STAC: variants seen among roughly 807,000 people sequenced by gnomAD.
STAC encodes SH3 and cysteine rich domain.
Under a neutral mutation model 48.8 loss-of-function variants are expected in STAC, and 43 were observed. That is an observed-to-expected ratio of 0.88 (90% confidence interval 0.69 to 1.14). The LOEUF (loss-of-function observed/expected upper bound fraction) is 1.14. STAC is among the 50% of genes most tolerant of loss of function. The pLI is 0.00. For missense variants in STAC, 497 were observed against 504.0 expected (o/e 0.99, Z 0.13); for synonymous variants, 193 against 179.5 (o/e 1.07, Z -0.60).
Position 36,492,031 on chromosome 3 carries a change from A to AATAT in STAC, c.688-1087_688-1084dup. Among the ~76,000 whole-genome samples the AATAT allele has an allele frequency of 8.4e-3, 137 of 16,402 alleles. 1 individual carries two copies. Among genetic ancestry groups the AATAT allele is most frequent in the Non-Finnish European group, 0.011 (97 of 8,454 alleles). The allele number at this position is 16,402 out of a possible 152,430, so 10.8% of individuals were successfully genotyped here. A position where few individuals can be genotyped will look rare whatever the true frequency, so the allele number is the denominator to read the frequency against. On this transcript the variant is annotated intron_variant, in intron 5 of 10. Coordinates refer to ENST00000273183, the MANE Select transcript of STAC (RefSeq NM_003149.3). ...AAAAAAAAAAAAAAAAAAAAAAAAA[A>AATAT]ATATATATATATATATATATATATA...
intron 2 of STAC, among the ~76,000 whole-genome samples, chr3:36,448,285 A>G (rs957929523): frequency 1.3e-5 from 2 of 151,868 alleles, no homozygotes; most frequent in East Asian, 1.9e-4. Context: ...GCAATGGTGC[A>G]ATCTCAGCTC....
chr3:36,515,634 T>A (rs1433690899), intron 8 of STAC, among the ~76,000 whole-genome samples: 1 of 152,174 alleles, frequency 6.6e-6, no homozygotes, highest in African/African-American at 2.4e-5. Context: ...TTGTCTGGTG[T>A]TCAGCAGTAA....
intron 2 of STAC, among the ~76,000 whole-genome samples, chr3:36,474,674 G>A (rs1197275312): frequency 1.3e-5 from 2 of 152,238 alleles, no homozygotes; most frequent in East Asian, 1.9e-4. Context: ...GATCATAAGA[G>A]GAGAGAAAAG....
At chr3:36,411,055 T>C (rs1167626172) in intron 1 of STAC, among the ~76,000 whole-genome samples, 1 of 152,182 alleles carries the variant, frequency 6.6e-6, no homozygotes, top group Non-Finnish European at 1.5e-5. Flanking sequence ...TCTAAGTAAA[T>C]GGCCACTCCC....
At position 36,417,976 on chromosome 3, in the gene STAC, T is replaced by C. The variant is rs78204575; in HGVS notation, c.112-25388T>C. Among the ~76,000 whole-genome samples, 138 of 152,348 alleles carry C rather than the reference T, an allele frequency of 9.1e-4. 2 individuals carry two copies. The East Asian group carries it at 0.026, about 28-fold the overall frequency. On this transcript the variant is annotated intron_variant, in intron 1 of 10. Transcript: ENST00000273183. ...TTTTAAGGCCAAATATTCAAGTATA[T>C]GAGTGAAGGTTCTCAAATCATTTGC...
chr3:36,441,926 GGATT>G (rs1406706248), intron 1 of STAC, among the ~76,000 whole-genome samples: 7 of 148,618 alleles, frequency 4.7e-5, no homozygotes, highest in African/African-American at 1.7e-4. Context: ...TTTTTAAATT[GGATT>G]GTTTGGAGGT....
chr3:36,436,202 GTAT>G (rs1559490373), intron 1 of STAC, among the ~76,000 whole-genome samples: 1 of 152,104 alleles, frequency 6.6e-6, no homozygotes, highest in Non-Finnish European at 1.5e-5. Context: ...AAATTCAGCC[GTAT>G]CTTACCATAA....
At chr3:36,512,239 G>A (rs190052359) in intron 8 of STAC, among the ~76,000 whole-genome samples, 1 of 152,254 alleles carries the variant, frequency 6.6e-6, no homozygotes, top group Admixed American at 6.5e-5. Flanking sequence ...GAGAGGAGGA[G>A]ACGGGCTTTA....
chr3:36,439,845 C>T (rs1029318218), intron 1 of STAC, among the ~76,000 whole-genome samples: 4 of 152,178 alleles, frequency 2.6e-5, no homozygotes, highest in African/African-American at 9.7e-5. Context: ...CAATGCTATG[C>T]TCCCAAGGAC....
chr3:36,431,547 C>T (rs1160950730), intron 1 of STAC, among the ~76,000 whole-genome samples: 2 of 152,224 alleles, frequency 1.3e-5, no homozygotes, highest in African/African-American at 2.4e-5. Context: ...TGCTCTGAAA[C>T]TTGCCATACA....
chr3:36,411,868 G>C (rs951095266), intron 1 of STAC, among the ~76,000 whole-genome samples: 10 of 152,114 alleles, frequency 6.6e-5, no homozygotes, highest in Non-Finnish European at 1.5e-5. Flanking sequence ...TGGCCTTTCT[G>C]AGTCTCAGTC....
At chr3:36,504,265 T>G in intron 6 of STAC, 128 bp from the exon 7 acceptor site, 1 of 803,246 alleles carries the variant, frequency 1.2e-6, no homozygotes, top group Non-Finnish European at 2.0e-6. Context: ...TCACAGAGGG[T>G]GAGGAAAAGG....
At chr3:36,436,522 C>A (rs1387150487) in intron 1 of STAC, among the ~76,000 whole-genome samples, 1 of 152,206 alleles carries the variant, frequency 6.6e-6, no homozygotes, top group African/African-American at 2.4e-5. Context: ...TTCTCAGATA[C>A]CCTGCCCTTG....
chr3:36,535,000 C>T (rs938957033), intron 10 of STAC, among the ~76,000 whole-genome samples: 77 of 152,232 alleles, frequency 5.1e-4, no homozygotes, highest in African/African-American at 1.8e-3. Context: ...ATTAAATCGA[C>T]TTTAAAATAC....
chr3:36,513,484 G>A (rs1698592320), intron 8 of STAC, among the ~76,000 whole-genome samples: 1 of 152,110 alleles, frequency 6.6e-6, no homozygotes, highest in Admixed American at 6.6e-5. Context: ...GAGCTTTCCT[G>A]GTCTCTGTGT....
At chr3:36,384,807 C>A (rs1156966918) in intron 1 of STAC, among the ~76,000 whole-genome samples, 2 of 152,108 alleles carry the variant, frequency 1.3e-5, no homozygotes, top group Non-Finnish European at 2.9e-5. Context: ...TATTTCTGAA[C>A]CTGGACCACA....
chr3:36,453,406 G>A (rs576071601), intron 2 of STAC, among the ~76,000 whole-genome samples: 6 of 152,218 alleles, frequency 3.9e-5, no homozygotes, highest in Non-Finnish European at 8.8e-5. Flanking sequence ...TGAGTTCCGG[G>A]TGGGCGTGGG....
chr3:36,439,297 G>A (rs1457611335), intron 1 of STAC, among the ~76,000 whole-genome samples: 7 of 152,150 alleles, frequency 4.6e-5, no homozygotes, highest in Non-Finnish European at 1.0e-4. Flanking sequence ...ACTTAGCTCA[G>A]CTCCGTATTC....
intron 1 of STAC, among the ~76,000 whole-genome samples, chr3:36,402,578 G>T (rs1443211405): frequency 6.6e-6 from 1 of 152,088 alleles, no homozygotes; most frequent in Non-Finnish European, 1.5e-5. Context: ...AGCCTAGGAA[G>T]TCACCCAAAA....
Sources: gnomAD v4.1 joint callset for allele counts (sites outside exome capture counted in the v4.1 genomes callset) on GRCh38, gnomAD v4.1.1 for gene constraint, MANE v1.5 for transcripts, NCBI Gene and HGNC (gene_info 2026-07-23, HGNC 2026-07-21) for gene names.